The following LSM7 variants were observed in gnomAD, a reference collection of about 807,000 sequenced individuals.
LSM7 encodes U6 snRNA-associated Sm-like protein LSm7.
Under a neutral mutation model 14.1 loss-of-function variants are expected in LSM7, and 13 were observed. That is an observed-to-expected ratio of 0.92 (90% CI 0.60 to 1.47). The LOEUF is 1.47. Among genes scored for constraint, LSM7 ranks in the 40% most tolerant of loss-of-function variants. LSM7 has a pLI of 0.00. For missense variants in LSM7, 108 were observed against 140.8 expected (o/e 0.77, Z 1.18); for synonymous variants, 70 against 57.1 (o/e 1.23, Z -1.02).
chr19:2,326,796 C>G (rs1968030034), intron 2 of LSM7, among the ~76,000 whole-genome samples: 1 of 152,236 alleles, frequency 6.6e-6, no homozygotes, highest in Non-Finnish European at 1.5e-5. Context: ...AGATGATTCT[C>G]CCACTGGCCC....
chr19:2,326,312 T>TGTGTGTGTGTGTGTGTG (rs1968015474), intron 2 of LSM7, among the ~76,000 whole-genome samples: 1 of 129,674 alleles, frequency 7.7e-6, no homozygotes, highest in African/African-American at 2.8e-5. Context: ...TTTCTGCTTT[T>TGTGTGTGTGTGTGTGTG]TGTGTGTGTG....
At position 2,328,562 on chromosome 19, in the gene LSM7, G is replaced by A. The variant is rs1322269776; in HGVS notation, c.5C>T (p.Ala2Val). 4 of 1,588,818 alleles carry A rather than the reference G, an allele frequency of 2.5e-6. No individual in the cohort carries two copies. The highest frequency in any genetic ancestry group is 3.4e-6 in the Non-Finnish European group (4 of 1,169,268). The change falls in exon 1 of 4, where the codon GCG (alanine) becomes GTG (valine). Residue 2 changes from alanine (A) to valine (V), a missense_variant and splice_region_variant. Transcript: ENST00000252622. ...CTCCAGATTCCGCCGCGCGCTCACCGCCATCTTGTCGCGCCGTGTGGCTCT... is the reference window on the plus strand; with the variant it reads ...CTCCAGATTCCGCCGCGCGCTCACCACCATCTTGTCGCGCCGTGTGGCTCT... M[A>V]DKEKKKKESI...
intron 3 of LSM7, among the ~76,000 whole-genome samples, chr19:2,323,583 TG>T (rs1211195432): frequency 1.3e-5 from 2 of 152,164 alleles, no homozygotes; most frequent in Non-Finnish European, 2.9e-5. Context: ...CCCGAGCAGC[TG>T]GGATTACAGG....
intron 2 of LSM7, among the ~76,000 whole-genome samples, chr19:2,326,690 C>G (rs896384206): frequency 2.0e-5 from 3 of 152,194 alleles, no homozygotes; most frequent in Admixed American, 2.0e-4. Flanking sequence ...AGGCTGGTCT[C>G]GAACTCCTGA....
At chr19:2,322,216 G>A (rs1403749502) in intron 3 of LSM7, among the ~76,000 whole-genome samples, 2 of 152,194 alleles carry the variant, frequency 1.3e-5, no homozygotes, top group Non-Finnish European at 2.9e-5. Context: ...GGTCCCTGGA[G>A]CCCTAGGGGG....
intron 2 of LSM7, among the ~76,000 whole-genome samples, chr19:2,325,550 A>C (rs1968001564): frequency 6.6e-6 from 1 of 152,272 alleles, no homozygotes; most frequent in South Asian, 2.1e-4. Flanking sequence ...CAATCTCGGG[A>C]AGCAGGCACC....
intron 3 of LSM7, among the ~76,000 whole-genome samples, chr19:2,323,565 G>C (rs372731217): frequency 1.1e-4 from 17 of 152,082 alleles, no homozygotes; most frequent in Middle Eastern, 3.4e-3. Flanking sequence ...ATTCTCCTGC[G>C]TCAGCCTCCC....
intron 3 of LSM7, among the ~76,000 whole-genome samples, chr19:2,323,543 C>T (rs925803362): frequency 7.9e-5 from 12 of 152,250 alleles, no homozygotes; most frequent in East Asian, 1.9e-4. Flanking sequence ...CTCCGCCTCC[C>T]AGGTTCAAGC....
chr19:2,321,637 A>G lies in LSM7; in HGVS notation c.*43T>C. The G allele has an allele frequency of 7.3e-7, 1 of 1,369,112 alleles. No homozygotes were observed. The highest frequency in any genetic ancestry group is 3.4e-5 in the Admixed American group (1 of 29,188). 84.8% of individuals were successfully genotyped at this position (1,369,112 alleles called of 1,614,324 possible). ...CAGCAGCCAAGTCCGCGGGAAACCGAGCTGCTCGGGCCTGCCCTGCACCCC... is the reference window on the plus strand; with the variant it reads ...CAGCAGCCAAGTCCGCGGGAAACCGGGCTGCTCGGGCCTGCCCTGCACCCC... On this transcript the variant is annotated 3_prime_UTR_variant, in exon 4 of 4. Coordinates refer to ENST00000252622, the MANE Select transcript of LSM7 (RefSeq NM_016199.3). The surrounding 1 kb of genome is among the most constrained non-coding windows in gnomAD (Gnocchi z 5.0).
At position 2,324,197 on chromosome 19, in the gene LSM7, C is replaced by T; in HGVS notation, c.98-1G>A. 6.3e-7 allele frequency: 1 copy of T among 1,576,122 alleles called. No individual in the cohort carries two copies. The highest frequency in any genetic ancestry group is 8.6e-7 in the Non-Finnish European group (1 of 1,161,130). On this transcript the variant is annotated splice_acceptor_variant, in intron 2 of 3. Transcript: ENST00000252622. LOFTEE classifies it high-confidence loss of function. ...TCGAAGCCCTTCAGGATTCCACTGG[C>T]TTGGAGAAATCACCGGGGGAGAGAA... is the stretch of plus-strand genomic sequence containing the variant.
intron 3 of LSM7, among the ~76,000 whole-genome samples, chr19:2,323,441 G>C (rs1282076199): frequency 4.6e-5 from 7 of 152,196 alleles, no homozygotes; most frequent in Admixed American, 6.5e-5. Context: ...GGGCAACACA[G>C]TGAGACCTCA....
intron 2 of LSM7, among the ~76,000 whole-genome samples, chr19:2,326,956 A>T (rs942789592): frequency 6.6e-6 from 1 of 152,200 alleles, no homozygotes; most frequent in Non-Finnish European, 1.5e-5. Flanking sequence ...GGCCCTGCAA[A>T]GGTAAGGCAC....
chr19:2,323,597 T>C (rs534302451), intron 3 of LSM7, among the ~76,000 whole-genome samples: 54 of 152,188 alleles, frequency 3.5e-4, no homozygotes, highest in East Asian at 1.6e-3. Flanking sequence ...ATTACAGGCA[T>C]GCGCCACCAC....
intron 3 of LSM7, among the ~76,000 whole-genome samples, chr19:2,322,214 G>C (rs1396053095): frequency 3.3e-5 from 5 of 152,168 alleles, no homozygotes; most frequent in African/African-American, 1.2e-4. Context: ...AAGGTCCCTG[G>C]AGCCCTAGGG....
At chr19:2,322,041 C>T (rs1454432765) in intron 3 of LSM7, among the ~76,000 whole-genome samples, 1 of 152,244 alleles carries the variant, frequency 6.6e-6, no homozygotes, top group African/African-American at 2.4e-5. Context: ...CAGACAGCAG[C>T]CACAGCCCTC....
At position 2,328,574 on chromosome 19, in the gene LSM7, C is replaced by T. The variant is rs1233363702; in HGVS notation, c.-8G>A. ...CCGCGCGCTCACCGCCATCTTGTCG[C>T]GCCGTGTGGCTCTTCGCAGGCACCG... On this transcript the variant is annotated 5_prime_UTR_variant, in exon 1 of 4. Coordinates refer to ENST00000252622, the MANE Select transcript of LSM7 (RefSeq NM_016199.3). 7 of 1,579,912 alleles carry T rather than the reference C, an allele frequency of 4.4e-6. No homozygotes were observed. In the Admixed American group the frequency reaches 5.4e-5, roughly 12 times the overall value.
At position 2,323,137 on chromosome 19, in the gene LSM7, C is replaced by A. The variant is rs184458973; in HGVS notation, c.169+988G>T. The stretch of plus-strand genomic sequence containing the variant: ...GGGGACTTGCCAGCTGGGGACTTGC[C>A]GCAGGAGCTTCTGGGGGAGAGTCTG... On this transcript the variant is annotated intron_variant, in intron 3 of 3. Coordinates refer to ENST00000252622, the MANE Select transcript of LSM7 (RefSeq NM_016199.3). 1.8e-3 allele frequency among the ~76,000 whole-genome samples: 272 copies of A among 152,244 alleles called. 1 individual carries two copies. Among genetic ancestry groups the A allele is most frequent in the African/African-American group, 6.3e-3 (263 of 41,532 alleles).
At chr19:2,322,932 G>A (rs993212821) in intron 3 of LSM7, among the ~76,000 whole-genome samples, 1 of 150,676 alleles carries the variant, frequency 6.6e-6, no homozygotes, top group African/African-American at 2.5e-5. Flanking sequence ...TGCCCAGGCT[G>A]GTCTCAAATT....
intron 3 of LSM7, among the ~76,000 whole-genome samples, chr19:2,322,268 G>A (rs112863939): frequency 1.5e-4 from 23 of 152,326 alleles, no homozygotes; most frequent in African/African-American, 5.1e-4. Context: ...GGCCGGGCGC[G>A]GTGGCTCACG....
Sources: gnomAD v4.1 joint callset for allele counts (sites outside exome capture counted in the v4.1 genomes callset) on GRCh38, gnomAD v4.1.1 for gene constraint, Gnocchi (gnomAD v3.1) non-coding constraint, MANE v1.5 for transcripts, NCBI Gene and HGNC (gene_info 2026-07-23, HGNC 2026-07-21) for gene names.